The following CREBBP variants were observed in gnomAD, a reference collection of about 807,000 sequenced individuals.
The protein encoded by CREBBP is CREB binding lysine acetyltransferase.
In CREBBP, 19 loss-of-function variants were observed where a neutral mutation model predicts 265.0. The observed-to-expected ratio is 0.07, with a 90% CI of 0.05 to 0.11. CREBBP has a LOEUF of 0.11. Among genes scored for constraint, CREBBP ranks in the 10% least tolerant of loss-of-function variants. The probability of loss-of-function intolerance (pLI) is 1.00; values close to 1 mark genes in which losing one functional copy is unlikely to be tolerated. For synonymous variants in CREBBP, 1,457 were observed against 1,223.7 expected (o/e 1.19, Z -3.98); for missense variants, 2,525 against 3,219.0 (o/e 0.78, Z 5.22).
intron 2 of CREBBP, among the ~76,000 whole-genome samples, chr16:3,846,906 T>C (rs1282662974): frequency 6.6e-6 from 1 of 152,246 alleles, no homozygotes; most frequent in Non-Finnish European, 1.5e-5. Context: ...TTCTTACTCT[T>C]AAGAGTATTT....
At chr16:3,730,092 C>G (rs543935740) in intron 30 of CREBBP, among the ~76,000 whole-genome samples, 4 of 138,918 alleles carry the variant, frequency 2.9e-5, no homozygotes, top group Admixed American at 6.9e-5. Context: ...TCATGGACAA[C>G]ATGGGATCAT....
intron 23 of CREBBP, chr16:3,743,034 T>C (rs536658270): frequency 1.3e-5 from 2 of 152,286 alleles, no homozygotes; most frequent in Middle Eastern, 3.4e-3. Flanking sequence ...GAACTTCCAA[T>C]TTGCTCAAAT....
chr16:3,763,432 G>T (rs1014696209), intron 16 of CREBBP, among the ~76,000 whole-genome samples: 1 of 151,794 alleles, frequency 6.6e-6, no homozygotes, highest in African/African-American at 2.4e-5. Flanking sequence ...AAGTGCTGGA[G>T]TTGCAGGTGT....
In CREBBP at chr16:3,728,250, G is replaced by C. The variant is rs2151301410; in HGVS notation, c.6797C>G (p.Ala2266Gly). Residue 2266 changes from alanine to glycine, a missense_variant, in exon 31 of 31, where the codon GCT becomes GGT. By Grantham distance (60) the Ala-to-Gly change is moderately conservative. Around this residue, in one of 19 missense-constraint regions of CREBBP, gnomAD observed 473 missense variants for 459.3 expected, o/e 1.03. Coordinates refer to ENST00000262367, the MANE Select transcript of CREBBP (RefSeq NM_004380.3). The surrounding 1 kb of genome is among the most constrained non-coding windows in gnomAD (Gnocchi z 8.7). Reference protein sequence around the residue: ...LQGSSMGQMAAQMGQLGQMGQ... With the variant: ...LQGSSMGQMAGQMGQLGQMGQ... ...CATCTGGCCAAGCTGTCCCATCTGA[G>C]CCGCCATCTGGCCCATGGAGCTGCC... The C allele has an allele frequency of 6.2e-7, 1 of 1,612,836 alleles. No individual in the cohort carries two copies. Among genetic ancestry groups the C allele is most frequent in the South Asian group, 1.1e-5 (1 of 91,054 alleles).
At chr16:3,861,970 G>A (rs963494972) in intron 1 of CREBBP, among the ~76,000 whole-genome samples, 8 of 152,186 alleles carry the variant, frequency 5.3e-5, no homozygotes, top group African/African-American at 1.4e-4. Context: ...CAGAGAGCTC[G>A]GCCGGCAGCC....
rs1483983941 is a variant in CREBBP at position 3,758,988 on chromosome 16, CAAGAA to C, written c.3251-21_3251-17del. ...GGTTTAAAGACTGCAGAGAAAACAT[CAAGAA>C]AAGACACTTTGTAAAAGGTGCTCAG... On this transcript the variant is annotated splice_polypyrimidine_tract_variant and intron_variant, in intron 16 of 30. Transcript: ENST00000262367. 2 of 1,569,032 alleles carry C rather than the reference CAAGAA, an allele frequency of 1.3e-6. No homozygotes were observed. The highest frequency in any genetic ancestry group is 1.4e-5 in the African/African-American group (1 of 73,950).
In CREBBP at chr16:3,727,908, G is replaced by C. The variant is rs2151299030; in HGVS notation, c.7139C>G (p.Thr2380Ser). The C allele has an allele frequency of 2.5e-6, 4 of 1,612,540 alleles. No homozygotes were observed. Among genetic ancestry groups the C allele is most frequent in the Non-Finnish European group, 2.5e-6 (3 of 1,178,990 alleles). Residue 2380 changes from threonine (T) to serine (S), a missense_variant, in exon 31 of 31, where the codon ACT (threonine) becomes AGT (serine). Physicochemically the swap from Thr to Ser is moderately conservative, Grantham distance 58. This residue lies in a region of CREBBP where 473 missense variants were observed against 459.3 expected (regional missense o/e 1.03). Coordinates refer to ENST00000262367, the MANE Select transcript of CREBBP (RefSeq NM_004380.3). The stretch of plus-strand genomic sequence containing the variant: ...TGCGAGTCCGGGGTGGGGGGAACCA[G>C]TCTGGGGTGAGACGTGGTGTGGCGA... ...QPSPHHVSPQ[T>S]GSPHPGLAVT... is the part of the protein sequence containing the mutation.
At chr16:3,745,715 T>C (rs1003148614) in intron 21 of CREBBP, 13 of 377,652 alleles carry the variant, frequency 3.4e-5, no homozygotes, top group African/African-American at 2.3e-4. Context: ...TCTAGGTGAT[T>C]TCACATGCCA....
At position 3,841,747 on chromosome 16, in the gene CREBBP, A is replaced by AT. The variant is rs537159370; in HGVS notation, c.798+8549dup. Among the ~76,000 whole-genome samples the AT allele has an allele frequency of 6.8e-4, 103 of 152,332 alleles. 2 individuals carry two copies. Among genetic ancestry groups the AT allele is most frequent in the African/African-American group, 2.3e-3 (97 of 41,578 alleles). ...GTTCTATTAATTCTTTACTGACTAT[A>AT]TTCTGCTAATCCATTCCTTTAGAGC... On this transcript the variant is annotated intron_variant, in intron 2 of 30. Coordinates refer to ENST00000262367, the MANE Select transcript of CREBBP (RefSeq NM_004380.3).
chr16:3,853,329 G>A lies in CREBBP; in HGVS notation c.86-2320C>T, dbSNP rs536355075. Reference sequence around the variant, plus strand: ...GGCTGTATAATACTTTAAAACATCAGGCCGGGTGCGGTGGCTCACGCCTGT... The same window carrying A: ...GGCTGTATAATACTTTAAAACATCAAGCCGGGTGCGGTGGCTCACGCCTGT... On this transcript the variant is annotated intron_variant, in intron 1 of 30. Transcript: ENST00000262367. 9.2e-5 allele frequency among the ~76,000 whole-genome samples: 14 copies of A among 152,340 alleles called. No homozygotes were observed. In the South Asian group the frequency reaches 2.9e-3, roughly 32 times the overall value.
At chr16:3,775,870 G>A (rs926834528) in intron 11 of CREBBP, among the ~76,000 whole-genome samples, 1 of 151,716 alleles carries the variant, frequency 6.6e-6, no homozygotes, top group Non-Finnish European at 1.5e-5. Flanking sequence ...CCCCAACACA[G>A]CATCCAGCCA....
chr16:3,732,011 C>A (rs2151320206), intron 28 of CREBBP, 74 bp from the exon 29 acceptor site: 5 of 1,611,650 alleles, frequency 3.1e-6, no homozygotes, highest in Non-Finnish European at 4.2e-6. Flanking sequence ...AGCTCCCAGG[C>A]CGTGGGCATC....
intron 2 of CREBBP, among the ~76,000 whole-genome samples, chr16:3,839,240 T>C (rs1235352807): frequency 2.0e-5 from 3 of 152,246 alleles, no homozygotes; most frequent in Admixed American, 1.3e-4. Flanking sequence ...CACGCCAGGC[T>C]TGAAAGCAAT....
At chr16:3,828,447 G>C (rs1238788695) in intron 2 of CREBBP, among the ~76,000 whole-genome samples, 1 of 152,178 alleles carries the variant, frequency 6.6e-6, no homozygotes, top group Non-Finnish European at 1.5e-5. Context: ...TAGTATTTCA[G>C]ATTAAGAGCC....
At chr16:3,784,995 G>A (rs1057189708) in intron 5 of CREBBP, among the ~76,000 whole-genome samples, 2 of 152,174 alleles carry the variant, frequency 1.3e-5, no homozygotes, top group Admixed American at 6.5e-5. Flanking sequence ...CTAAAATTCA[G>A]AAGCAAAGGA....
At chr16:3,827,468 T>C (rs2054260121) in intron 2 of CREBBP, among the ~76,000 whole-genome samples, 1 of 152,124 alleles carries the variant, frequency 6.6e-6, no homozygotes, top group African/African-American at 2.4e-5. Context: ...CTCGGCTCAC[T>C]GCAACCTCCC....
intron 13 of CREBBP, among the ~76,000 whole-genome samples, chr16:3,771,218 G>A (rs972220494): frequency 7.9e-5 from 12 of 151,952 alleles, no homozygotes; most frequent in East Asian, 3.9e-4. Context: ...ACAGGTGCCC[G>A]TCACCACGCC....
chr16:3,740,785 T>C (rs1567273240), intron 23 of CREBBP: 3 of 577,428 alleles, frequency 5.2e-6, no homozygotes, highest in Admixed American at 2.7e-5. Context: ...CCAGGTAACC[T>C]GCATCTTTTT....
intron 3 of CREBBP, among the ~76,000 whole-genome samples, chr16:3,803,231 G>GTAAT (rs1555488168): frequency 3.0e-5 from 4 of 134,434 alleles, no homozygotes; most frequent in Admixed American, 1.6e-4. Flanking sequence ...GCTCACGCCT[G>GTAAT]TAATCCCAGC....
Sources: gnomAD v4.1 joint callset for allele counts (sites outside exome capture counted in the v4.1 genomes callset) on GRCh38, gnomAD v4.1.1 for gene constraint, gnomAD v4.1.1 regional missense constraint, Gnocchi (gnomAD v3.1) non-coding constraint, MANE v1.5 for transcripts, NCBI Gene and HGNC (gene_info 2026-07-23, HGNC 2026-07-21) for gene names.